The following DOCK9 variants were observed in gnomAD, a reference collection of about 807,000 sequenced individuals.
DOCK9 encodes the protein dedicator of cytokinesis 9.
Under a neutral mutation model 263.3 loss-of-function variants are expected in DOCK9, and 89 were observed. The observed-to-expected ratio is 0.34, with a 90% CI of 0.28 to 0.40. The LOEUF is 0.40. Among genes scored for constraint, DOCK9 ranks in the 10% least tolerant of loss-of-function variants. The pLI, the probability that DOCK9 is intolerant of heterozygous loss-of-function variation, is 1.00. For synonymous variants in DOCK9, 976 were observed against 973.1 expected (o/e 1.00, Z -0.06); for missense variants, 2,140 against 2,603.4 (o/e 0.82, Z 3.87).
intron 7 of DOCK9, 21 bp downstream of exon 7, chr13:98,920,933 T>C (rs766826451): frequency 1.3e-6 from 2 of 1,578,554 alleles, no homozygotes; most frequent in Admixed American, 3.8e-5. Context: ...AACATAATGG[T>C]AAAACTCTTT....
Position 98,895,853 on chromosome 13 carries a change from T to C in DOCK9, c.1709+1635A>G, listed in dbSNP as rs73557000. Among the ~76,000 whole-genome samples the C allele has an allele frequency of 3.9e-3, 589 of 152,348 alleles. 1 individual carries two copies. Among genetic ancestry groups the C allele is most frequent in the African/African-American group, 0.013 (547 of 41,576 alleles). On this transcript the variant is annotated intron_variant, in intron 15 of 52. Coordinates refer to ENST00000682017, the MANE Select transcript of DOCK9 (RefSeq NM_001366683.2). Reference sequence around the variant, plus strand: ...TACTATTCTTTTATTTAGTCTTTCATGAATAACAGATTCATAGGGATCCAG... The same window carrying C: ...TACTATTCTTTTATTTAGTCTTTCACGAATAACAGATTCATAGGGATCCAG...
At chr13:98,868,610 G>C (rs531780798) in intron 27 of DOCK9, among the ~76,000 whole-genome samples, 63 of 152,060 alleles carry the variant, frequency 4.1e-4, no homozygotes, top group Non-Finnish European at 7.6e-4. Context: ...CAATAATTAG[G>C]TGGGTGTGGT....
At chr13:98,837,240 TC>T (rs2093037648) in intron 39 of DOCK9, among the ~76,000 whole-genome samples, 2 of 152,206 alleles carry the variant, frequency 1.3e-5, no homozygotes. Context: ...GTTAACTGCC[TC>T]CAGAGACCGT....
At chr13:99,043,684 A>C (rs557688804) in intron 1 of DOCK9, among the ~76,000 whole-genome samples, 1 of 152,306 alleles carries the variant, frequency 6.6e-6, no homozygotes, top group African/African-American at 2.4e-5. Flanking sequence ...AAGGGAGCTG[A>C]GGACATCCCA....
intron 27 of DOCK9, among the ~76,000 whole-genome samples, chr13:98,868,803 G>A (rs1289568479): frequency 6.6e-6 from 1 of 152,050 alleles, no homozygotes; most frequent in Non-Finnish European, 1.5e-5. Flanking sequence ...TCTGAAATTG[G>A]AAAAAATGAA....
chr13:99,036,080 C>T (rs1887842206), intron 1 of DOCK9, among the ~76,000 whole-genome samples: 1 of 152,134 alleles, frequency 6.6e-6, no homozygotes, highest in African/African-American at 2.4e-5. Flanking sequence ...TTTTAAGCCT[C>T]CATGATCGTT....
intron 2 of DOCK9, chr13:98,950,420 G>A: frequency 6.6e-6 from 5 of 761,874 alleles, no homozygotes; most frequent in South Asian, 6.1e-5. Context: ...AGAACCAAAG[G>A]GATTTTTCTT....
At chr13:98,912,767 A>T (rs1384281584) in intron 9 of DOCK9, among the ~76,000 whole-genome samples, 1 of 152,120 alleles carries the variant, frequency 6.6e-6, no homozygotes, top group African/African-American at 2.4e-5. Context: ...GGCTCAAATA[A>T]CATGAATCTT....
intron 48 of DOCK9, among the ~76,000 whole-genome samples, chr13:98,806,689 A>G (rs1307015504): frequency 1.3e-5 from 2 of 152,210 alleles, no homozygotes; most frequent in Non-Finnish European, 2.9e-5. Context: ...CAGGCAGGTC[A>G]CTTGAGGTCG....
At chr13:98,846,681 C>G (rs1157331857) in intron 37 of DOCK9, 2 of 619,642 alleles carry the variant, frequency 3.2e-6, no homozygotes, top group Admixed American at 2.2e-5. Flanking sequence ...TGACACCTGT[C>G]CCCTGTCCCG....
At chr13:98,911,549 C>T (rs951302927) in intron 9 of DOCK9, among the ~76,000 whole-genome samples, 2 of 152,170 alleles carry the variant, frequency 1.3e-5, no homozygotes, top group Admixed American at 6.5e-5. Flanking sequence ...TAGTACATTG[C>T]CCTTAATAAT....
chr13:98,935,077 G>A (rs1432603190), intron 2 of DOCK9, among the ~76,000 whole-genome samples: 1 of 152,076 alleles, frequency 6.6e-6, no homozygotes, highest in Non-Finnish European at 1.5e-5. Context: ...AAAAAGTTAG[G>A]GAGTCTAAAT....
chr13:98,885,585 C>A, intron 20 of DOCK9, 123 bp downstream of exon 20: 1 of 1,107,310 alleles, frequency 9.0e-7, no homozygotes, highest in South Asian at 1.8e-5. Context: ...GCTACATATC[C>A]GTTACCTATA....
intron 1 of DOCK9, among the ~76,000 whole-genome samples, chr13:98,995,663 T>C (rs1880861842): frequency 6.6e-6 from 1 of 151,952 alleles, no homozygotes; most frequent in African/African-American, 2.4e-5. Flanking sequence ...TAATTTTTTG[T>C]ATTTTCAGTA....
chr13:98,950,341 G>T, intron 2 of DOCK9: 1 of 879,204 alleles, frequency 1.1e-6, no homozygotes, highest in Non-Finnish European at 1.8e-6. Context: ...CTCCTTCTTT[G>T]CTAAAAGTGC....
At chr13:98,920,132 G>A (rs748333812) in intron 7 of DOCK9, among the ~76,000 whole-genome samples, 1 of 152,162 alleles carries the variant, frequency 6.6e-6, no homozygotes, top group Non-Finnish European at 1.5e-5. Context: ...TGCAAAACTG[G>A]TAGTAGCTCC....
At chr13:98,862,134 T>C (rs563888174) in intron 32 of DOCK9, among the ~76,000 whole-genome samples, 1 of 152,348 alleles carries the variant, frequency 6.6e-6, no homozygotes, top group South Asian at 2.1e-4. Context: ...ATGGTTTTCA[T>C]ACTTATTTTT....
At chr13:98,949,907 G>T in intron 2 of DOCK9, 2 of 474,996 alleles carry the variant, frequency 4.2e-6, no homozygotes, top group South Asian at 3.2e-5. Flanking sequence ...CCAGGCAAAT[G>T]ACACCAAACT....
chr13:98,991,036 G>A (rs1463642147), intron 1 of DOCK9, among the ~76,000 whole-genome samples: 5 of 151,860 alleles, frequency 3.3e-5, no homozygotes, highest in East Asian at 1.9e-4. Flanking sequence ...TCAAGAGTAC[G>A]ATGTCTGAAA....
Sources: gnomAD v4.1 joint callset for allele counts (sites outside exome capture counted in the v4.1 genomes callset) on GRCh38, gnomAD v4.1.1 for gene constraint, MANE v1.5 for transcripts, NCBI Gene and HGNC (gene_info 2026-07-23, HGNC 2026-07-21) for gene names.